Variants in CABLES1 observed in about 807,000 individuals in gnomAD.
CABLES1 encodes the protein Cdk5 and Abl enzyme substrate 1.
A neutral mutation model predicts 57.8 loss-of-function variants in CABLES1; 36 were observed. That is an observed-to-expected ratio of 0.62 (90% confidence interval 0.48 to 0.82). The LOEUF (loss-of-function observed/expected upper bound fraction) is 0.82. Ranked by LOEUF, CABLES1 falls within the 40% of genes least tolerant of loss-of-function variation. CABLES1 has a pLI of 0.00. For synonymous variants in CABLES1, 374 were observed against 363.0 expected, an observed-to-expected ratio of 1.03 and a Z score of -0.35; for missense variants, 767 against 836.6, an observed-to-expected ratio of 0.92 and a Z score of 1.03.
intron 9 of CABLES1, among the ~76,000 whole-genome samples, chr18:23,256,823 T>C (rs2048178749): frequency 6.6e-6 from 1 of 152,220 alleles, no homozygotes; most frequent in African/African-American, 2.4e-5. Flanking sequence ...AATCACTTAG[T>C]TGCCACAGGT....
chr18:23,172,234 C>A (rs779332802), intron 1 of CABLES1, among the ~76,000 whole-genome samples: 18 of 152,214 alleles, frequency 1.2e-4, no homozygotes, highest in African/African-American at 4.3e-4. Flanking sequence ...GACATCTTAA[C>A]ACGGTAGAGA....
At chr18:23,175,973 A>G (rs148651896) in intron 1 of CABLES1, among the ~76,000 whole-genome samples, 123 of 152,386 alleles carry the variant, frequency 8.1e-4, no homozygotes, top group Admixed American at 2.3e-3. Flanking sequence ...CCAATCTACA[A>G]GTATTTAGAT....
intron 7 of CABLES1, among the ~76,000 whole-genome samples, chr18:23,239,089 T>C (rs2047673056): frequency 1.3e-5 from 2 of 152,256 alleles, no homozygotes; most frequent in African/African-American, 2.4e-5. Flanking sequence ...TGATCTTTTT[T>C]TTCTTTAAAT....
rs570676532 is a variant in CABLES1, at chr18:23,156,321, G to T, written c.845+19714G>T. Among the ~76,000 whole-genome samples the T allele has an allele frequency of 7.2e-5, 11 of 152,310 alleles. No individual in the cohort carries two copies. The South Asian group carries it at 2.3e-3, about 32-fold the overall frequency. On this transcript the variant is annotated intron_variant, in intron 1 of 9. Transcript: ENST00000256925. The stretch of plus-strand genomic sequence containing the variant: ...CTTGGATGGAGGGACGAGAGCCCTT[G>T]TCTCTGTTCTCTGGGTTGATGCTGG...
Position 23,223,439 on chromosome 18 carries a change from G to A in CABLES1, c.1088+9385G>A, listed in dbSNP as rs552885877. Among the ~76,000 whole-genome samples the A allele has an allele frequency of 1.3e-3, 199 of 152,114 alleles. 1 individual carries two copies. The highest frequency in any genetic ancestry group is 4.8e-3 in the African/African-American group (198 of 41,472). On this transcript the variant is annotated intron_variant, in intron 4 of 9. Coordinates refer to ENST00000256925, the MANE Select transcript of CABLES1 (RefSeq NM_001100619.3). ...CTAAAATACAAAAAATTAGCCGGAC[G>A]TACTGGCAGGCGCCTGAAATCACAG...
chr18:23,176,119 C>G (rs1199246081), intron 1 of CABLES1, among the ~76,000 whole-genome samples: 1 of 152,058 alleles, frequency 6.6e-6, no homozygotes, highest in Non-Finnish European at 1.5e-5. Flanking sequence ...TCTGAATTTT[C>G]TTTTGAACTG....
chr18:23,254,240 T>C (rs1273687717), intron 9 of CABLES1, among the ~76,000 whole-genome samples: 1 of 152,170 alleles, frequency 6.6e-6, no homozygotes, highest in Non-Finnish European at 1.5e-5. Flanking sequence ...TGCAAGGGAT[T>C]CCCCCAGGCA....
chr18:23,244,945 C>T (rs907549395), intron 7 of CABLES1, among the ~76,000 whole-genome samples: 7 of 152,174 alleles, frequency 4.6e-5, no homozygotes, highest in Non-Finnish European at 8.8e-5. Context: ...TGAAGGAGGC[C>T]GGAGCTTTAT....
chr18:23,212,710 G>C (rs1420362840), intron 3 of CABLES1, among the ~76,000 whole-genome samples: 1 of 152,170 alleles, frequency 6.6e-6, no homozygotes, highest in African/African-American at 2.4e-5. Context: ...ATGATCAGCA[G>C]TGTGGATCAC....
chr18:23,190,243 C>G (rs1238879720), intron 2 of CABLES1: 2 of 152,164 alleles, frequency 1.3e-5, no homozygotes, highest in East Asian at 3.9e-4. Flanking sequence ...GAGTGGCTGG[C>G]TTTGGTGTTA....
chr18:23,219,162 G>A, intron 4 of CABLES1: 1 of 454,102 alleles, frequency 2.2e-6, no homozygotes, highest in Non-Finnish European at 4.4e-6. Context: ...CTGTGTGCTG[G>A]GCACTGCCAT....
chr18:23,244,557 T>C (rs2047826376), intron 7 of CABLES1, among the ~76,000 whole-genome samples: 1 of 152,220 alleles, frequency 6.6e-6, no homozygotes, highest in South Asian at 2.1e-4. Context: ...GTTAGATAGA[T>C]TTAGTCGAGG....
At chr18:23,179,247 C>T (rs1042329797) in intron 1 of CABLES1, among the ~76,000 whole-genome samples, 4 of 152,138 alleles carry the variant, frequency 2.6e-5, no homozygotes, top group Non-Finnish European at 5.9e-5. Context: ...GATCGCGCCA[C>T]TGCACTCCAC....
chr18:23,140,802 C>A (rs981349832), intron 1 of CABLES1, among the ~76,000 whole-genome samples: 1 of 152,066 alleles, frequency 6.6e-6, no homozygotes, highest in Non-Finnish European at 1.5e-5. Flanking sequence ...AGCATCATGC[C>A]TTGTGGGTTT....
At chr18:23,182,341 A>G (rs1019318441) in intron 1 of CABLES1, among the ~76,000 whole-genome samples, 3 of 152,142 alleles carry the variant, frequency 2.0e-5, no homozygotes, top group South Asian at 2.1e-4. Context: ...GAGACCACCT[A>G]TTATCTGGAG....
intron 1 of CABLES1, among the ~76,000 whole-genome samples, chr18:23,177,245 G>A (rs1247801719): frequency 6.6e-6 from 1 of 152,122 alleles, no homozygotes; most frequent in Non-Finnish European, 1.5e-5. Flanking sequence ...CAGGCTCGGG[G>A]CCCCGTCAGA....
chr18:23,176,856 C>T (rs2047126544), intron 1 of CABLES1, among the ~76,000 whole-genome samples: 1 of 152,132 alleles, frequency 6.6e-6, no homozygotes, highest in African/African-American at 2.4e-5. Context: ...TCATGCTGGA[C>T]ACCAAGGGGG....
rs1410877140 is a variant in CABLES1, at chr18:23,135,622, G to T, written c.-141G>T. 6.2e-6 allele frequency: 4 copies of T among 643,052 alleles called. No individual in the cohort carries two copies. The highest frequency in any genetic ancestry group is 7.7e-6 in the Non-Finnish European group (4 of 519,204). The allele number at this position is 643,052 out of a possible 1,614,324, so 39.8% of individuals were successfully genotyped here. A position where few individuals can be genotyped will look rare whatever the true frequency, so the allele number is the denominator to read the frequency against. ...CGAGGGGCGAGCATGGCCCGCCCGC[G>T]GGGGGGCTGGACCGCCGCGCACGCC... On this transcript the variant is annotated 5_prime_UTR_variant, in exon 1 of 10. Transcript: ENST00000256925.
At chr18:23,193,019 C>T (rs749676848) in intron 2 of CABLES1, among the ~76,000 whole-genome samples, 3 of 151,900 alleles carry the variant, frequency 2.0e-5, no homozygotes, top group Non-Finnish European at 2.9e-5. Flanking sequence ...CCAGCCTGGG[C>T]GACAGAGCAA....
Sources: allele counts gnomAD v4.1 joint callset (sites outside exome capture counted in the v4.1 genomes callset), GRCh38; gene constraint gnomAD v4.1.1; transcripts MANE v1.5; gene names NCBI Gene and HGNC (gene_info 2026-07-23, HGNC 2026-07-21).